PCDHA2: variants seen among roughly 807,000 people sequenced by gnomAD.
The protein encoded by PCDHA2 is protocadherin alpha-2.
In PCDHA2, 58 loss-of-function variants were observed where a neutral mutation model predicts 66.0. The observed-to-expected ratio is 0.88, with a 90% CI of 0.71 to 1.09. PCDHA2 has a LOEUF of 1.09. Ranked by LOEUF, PCDHA2 falls within the 50% of genes least tolerant of loss-of-function variation. The pLI, the probability that PCDHA2 is intolerant of heterozygous loss-of-function variation, is 0.00. For missense variants in PCDHA2, 1,267 were observed against 1,242.3 expected (o/e 1.02, Z -0.30); for synonymous variants, 634 against 554.0 (o/e 1.14, Z -2.03).
chr5:140,850,031 G>A (rs2150464401), intron 1 of PCDHA2: 5 of 1,596,722 alleles, frequency 3.1e-6, no homozygotes, highest in East Asian at 4.5e-5. Context: ...CAGTGCACGC[G>A]GAGAGCGGCA....
Position 140,797,027 on chromosome 5 carries a change from G to C in PCDHA2, c.2063G>C (p.Gly688Ala), listed in dbSNP as rs1554120257. The C allele has an allele frequency of 1.2e-6, 2 of 1,613,724 alleles. No individual in the cohort carries two copies. Among genetic ancestry groups the C allele is most frequent in the South Asian group, 2.2e-5 (2 of 91,090 alleles). Reference protein sequence around the residue: ...ASSRAWVGAAGSEATLVDVNV... With the variant: ...ASSRAWVGAAASEATLVDVNV... Reference sequence around the variant, plus strand: ...TCGCGGGCGTGGGTGGGCGCCGCGGGCTCAGAGGCTACGCTGGTGGATGTC... The same window carrying C: ...TCGCGGGCGTGGGTGGGCGCCGCGGCCTCAGAGGCTACGCTGGTGGATGTC... The change falls in exon 1 of 4, where the codon GGC becomes GCC. Residue 688 changes from glycine to alanine, a missense_variant. By Grantham distance (60) the Gly-to-Ala change is moderately conservative. Coordinates refer to ENST00000526136, the MANE Select transcript of PCDHA2 (RefSeq NM_018905.3).
rs188637090 is a variant in PCDHA2 at position 140,876,765 on chromosome 5, C to T, written c.2388+79413C>T. 1,055 of 1,614,234 alleles carry T rather than the reference C, an allele frequency of 6.5e-4. 5 individuals are homozygous for T. The African/African-American group carries it at 0.01, about 15-fold the overall frequency. ...TGGTGGTGACTGCGCGGGATGGGGG[C>T]TCGCCTTCGCTGTGGGCCACGGCTA... On this transcript the variant is annotated intron_variant, in intron 1 of 3. Transcript: ENST00000526136.
rs2150117634 is a variant in PCDHA2, at chr5:140,822,593, A to T, written c.2388+25241A>T. The T allele has an allele frequency of 4.3e-6, 7 of 1,611,492 alleles. No homozygotes were observed. In the Admixed American group the frequency reaches 1.2e-4, roughly 27 times the overall value. On this transcript the variant is annotated intron_variant, in intron 1 of 3. Transcript: ENST00000526136. ...GCCTCAGATGCAGATGAGGGCATCA[A>T]TAAGGAAATAGTGTATTTCTTTAGT... is the stretch of plus-strand genomic sequence containing the variant.
chr5:140,870,722 G>A (rs1554164638), intron 1 of PCDHA2: 2 of 1,613,222 alleles, frequency 1.2e-6, no homozygotes, highest in East Asian at 2.2e-5. Context: ...CGCGATGCGG[G>A]CGTGCCGCCT....
At chr5:140,836,762 C>G (rs2150269461) in intron 1 of PCDHA2, 3 of 1,567,538 alleles carry the variant, frequency 1.9e-6, no homozygotes, top group Non-Finnish European at 2.6e-6. Context: ...AATCTTGTTT[C>G]CAACAATTTT....
In PCDHA2 at chr5:140,869,193, G is replaced by C. The variant is rs1215630740; in HGVS notation, c.2388+71841G>C. The C allele has an allele frequency of 1.9e-6, 3 of 1,614,040 alleles. No individual in the cohort carries two copies. In the African/African-American group the frequency reaches 4.0e-5, roughly 22 times the overall value. On this transcript the variant is annotated intron_variant, in intron 1 of 3. Transcript: ENST00000526136. Reference sequence around the variant, plus strand: ...AATTCTGGGAGGTGGGGAGCGGCCAGCTCCACTACTCCGTCTCGGAGGAGG... The same window carrying C: ...AATTCTGGGAGGTGGGGAGCGGCCACCTCCACTACTCCGTCTCGGAGGAGG...
chr5:140,848,456 A>T (rs2150410759), intron 1 of PCDHA2: 1 of 1,524,638 alleles, frequency 6.6e-7, no homozygotes, highest in South Asian at 1.2e-5. Flanking sequence ...TCTAATTTGG[A>T]GGCAATTTTC....
At chr5:140,870,219 CG>C in intron 1 of PCDHA2, 1 of 1,614,152 alleles carries the variant, frequency 6.2e-7, no homozygotes. Flanking sequence ...CCCTGATCAG[CG>C]TGTCTGACCG....
chr5:140,948,255 C>G (rs1271882562), intron 1 of PCDHA2, among the ~76,000 whole-genome samples: 1 of 151,484 alleles, frequency 6.6e-6, no homozygotes, highest in Non-Finnish European at 1.5e-5. Flanking sequence ...ATTTTTACAT[C>G]TGTGTTCATG....
rs782292532 is a variant in PCDHA2, at chr5:140,808,928, G to C, written c.2388+11576G>C. ...CACTGGTGGCGCAGTGAGCGAGCTG[G>C]TGCCATGGTCGGTGGGTGTGGGCCA... On this transcript the variant is annotated intron_variant, in intron 1 of 3. Transcript: ENST00000526136. 3.1e-6 allele frequency: 5 copies of C among 1,613,746 alleles called. No individual in the cohort carries two copies. The highest frequency in any genetic ancestry group is 1.7e-4 in the Middle Eastern group (1 of 6,044).
chr5:140,900,151 G>A lies in PCDHA2; in HGVS notation c.2389-78798G>A, dbSNP rs114795695. On this transcript the variant is annotated intron_variant, in intron 1 of 3. Coordinates refer to ENST00000526136, the MANE Select transcript of PCDHA2 (RefSeq NM_018905.3). ...GTACCACAAATAAGTAAGAACATAC[G>A]ATATTTGTCTTTCTGTGCCTGGTTT... is the stretch of plus-strand genomic sequence containing the variant. Among the ~76,000 whole-genome samples, 787 of 152,242 alleles carry A rather than the reference G, an allele frequency of 5.2e-3. 9 individuals carry two copies. Among genetic ancestry groups the A allele is most frequent in the African/African-American group, 0.018 (746 of 41,554 alleles).
At chr5:140,826,394 A>G (rs1158338213) in intron 1 of PCDHA2, among the ~76,000 whole-genome samples, 1 of 152,202 alleles carries the variant, frequency 6.6e-6, no homozygotes, top group African/African-American at 2.4e-5. Flanking sequence ...GAACTACTAA[A>G]TAGATCCAGG....
intron 1 of PCDHA2, chr5:140,875,896 G>C (rs1183868015): frequency 6.2e-7 from 1 of 1,614,078 alleles, no homozygotes; most frequent in African/African-American, 1.3e-5. Context: ...AAAGGTACCT[G>C]TTTCTGAATC....
intron 3 of PCDHA2, among the ~76,000 whole-genome samples, chr5:141,002,678 C>T (rs1361402849): frequency 6.6e-6 from 1 of 152,136 alleles, no homozygotes; most frequent in Non-Finnish European, 1.5e-5. Context: ...AAAACCTATA[C>T]GACGTGCAGA....
At chr5:140,829,867 G>T (rs2150176588) in intron 1 of PCDHA2, 1 of 1,613,948 alleles carries the variant, frequency 6.2e-7, no homozygotes, top group Non-Finnish European at 8.5e-7. Flanking sequence ...AAGTGGTGGC[G>T]AAGGTGCGCG....
intron 1 of PCDHA2, chr5:140,877,117 G>C: frequency 6.2e-7 from 1 of 1,613,720 alleles, no homozygotes; most frequent in Non-Finnish European, 8.5e-7. Flanking sequence ...GGGCAGCAAC[G>C]TGACGCTGCA....
chr5:140,821,697 A>C (rs1307389134), intron 1 of PCDHA2: 2 of 1,400,452 alleles, frequency 1.4e-6, no homozygotes, highest in African/African-American at 2.9e-5. Context: ...TAAAAAATAT[A>C]TAGTTAATTG....
chr5:140,836,116 G>C, intron 1 of PCDHA2: 3 of 1,613,762 alleles, frequency 1.9e-6, no homozygotes, highest in Non-Finnish European at 2.5e-6. Flanking sequence ...GGCGCAGTGA[G>C]AGAGCTTGTG....
At position 140,856,318 on chromosome 5, in the gene PCDHA2, C is replaced by T. The variant is rs200204071; in HGVS notation, c.2388+58966C>T. 8.1e-6 allele frequency: 13 copies of T among 1,598,576 alleles called. 2 individuals are homozygous for T. The African/African-American group carries it at 1.7e-4, about 21-fold the overall frequency. On this transcript the variant is annotated intron_variant, in intron 1 of 3. Transcript: ENST00000526136. ...TTTTGTTTGTGAATTCTCGGATTGACCGCGAGGAGCTGTGCGGGCGGAGCG... is the reference window on the plus strand; with the variant it reads ...TTTTGTTTGTGAATTCTCGGATTGATCGCGAGGAGCTGTGCGGGCGGAGCG...
Sources: allele counts gnomAD v4.1 joint callset (sites outside exome capture counted in the v4.1 genomes callset), GRCh38; gene constraint gnomAD v4.1.1; transcripts MANE v1.5; gene names NCBI Gene and HGNC (gene_info 2026-07-23, HGNC 2026-07-21).